Variants in SEZ6L observed in about 807,000 individuals in gnomAD.
SEZ6L encodes seizure 6-like protein.
A neutral mutation model predicts 106.2 loss-of-function variants in SEZ6L; 37 were observed. That is an observed-to-expected ratio of 0.35 (90% CI 0.27 to 0.46). SEZ6L has a LOEUF of 0.46. Among genes scored for constraint, SEZ6L ranks in the 20% least tolerant of loss-of-function variants. The pLI is 1.00. For missense variants in SEZ6L, 1,172 were observed against 1,332.8 expected, an observed-to-expected ratio of 0.88 and a Z score of 1.88; for synonymous variants, 541 against 570.4, an observed-to-expected ratio of 0.95 and a Z score of 0.73.
chr22:26,218,622 T>C (rs943621540), intron 1 of SEZ6L, among the ~76,000 whole-genome samples: 1 of 152,192 alleles, frequency 6.6e-6, no homozygotes, highest in Non-Finnish European at 1.5e-5. Context: ...GTCAACATGG[T>C]GAAACTCTGT....
At chr22:26,223,707 AAT>A (rs939680112) in intron 1 of SEZ6L, among the ~76,000 whole-genome samples, 10 of 152,254 alleles carry the variant, frequency 6.6e-5, no homozygotes, top group African/African-American at 2.4e-4. Flanking sequence ...TTTTAAATCA[AAT>A]AATGCATATA....
intron 9 of SEZ6L, among the ~76,000 whole-genome samples, chr22:26,340,221 G>A (rs1361527510): frequency 6.6e-6 from 1 of 152,012 alleles, no homozygotes; most frequent in East Asian, 1.9e-4. Context: ...GTGACAGAGT[G>A]AGACTCTGTC....
intron 1 of SEZ6L, among the ~76,000 whole-genome samples, chr22:26,175,358 A>G (rs1395825911): frequency 6.6e-6 from 1 of 152,234 alleles, no homozygotes; most frequent in Non-Finnish European, 1.5e-5. Context: ...TTTTAACAAT[A>G]TCATTTCATT....
At chr22:26,234,768 C>T (rs2078907813) in intron 1 of SEZ6L, among the ~76,000 whole-genome samples, 1 of 152,198 alleles carries the variant, frequency 6.6e-6, no homozygotes, top group African/African-American at 2.4e-5. Flanking sequence ...AGAGCACAGC[C>T]CCTGTCCTCA....
intron 1 of SEZ6L, among the ~76,000 whole-genome samples, chr22:26,283,202 G>C (rs1306811286): frequency 6.6e-6 from 1 of 152,186 alleles, no homozygotes; most frequent in African/African-American, 2.4e-5. Flanking sequence ...TTACAGGCGT[G>C]AGCCACTGCA....
chr22:26,237,434 C>T (rs1602113715), intron 1 of SEZ6L, among the ~76,000 whole-genome samples: 1 of 152,226 alleles, frequency 6.6e-6, no homozygotes, highest in South Asian at 2.1e-4. Flanking sequence ...GCCACTTATA[C>T]AGTGGATAAA....
At chr22:26,284,908 A>T (rs1046262849) in intron 1 of SEZ6L, among the ~76,000 whole-genome samples, 4 of 149,962 alleles carry the variant, frequency 2.7e-5, no homozygotes, top group Non-Finnish European at 5.9e-5. Context: ...AGGAGTCTTT[A>T]TTTTTTTTTT....
chr22:26,170,410 T>C (rs1008172919), intron 1 of SEZ6L, among the ~76,000 whole-genome samples: 34 of 152,004 alleles, frequency 2.2e-4, no homozygotes, highest in African/African-American at 7.0e-4. Context: ...TAGTTAGCAG[T>C]TGGGAACCTG....
intron 1 of SEZ6L, among the ~76,000 whole-genome samples, chr22:26,183,902 AAAAT>A (rs1396632936): frequency 6.6e-6 from 1 of 152,248 alleles, no homozygotes; most frequent in African/African-American, 2.4e-5. Context: ...AGTAATAATA[AAAAT>A]AAATAGTCAT....
chr22:26,224,968 A>C (rs1164512892), intron 1 of SEZ6L, among the ~76,000 whole-genome samples: 1 of 145,426 alleles, frequency 6.9e-6, no homozygotes, highest in African/African-American at 2.8e-5. Flanking sequence ...CTATTGTTAC[A>C]AAAAAAAAGC....
chr22:26,359,697 C>T (rs1032886888), intron 12 of SEZ6L, among the ~76,000 whole-genome samples: 5 of 151,954 alleles, frequency 3.3e-5, no homozygotes, highest in Non-Finnish European at 5.9e-5. Context: ...CCCAGCGACT[C>T]GGGAGGCTAA....
rs748280036 is a variant in SEZ6L, at chr22:26,311,965, G to A, written c.1876+3G>A. 3 of 1,612,276 alleles carry A rather than the reference G, an allele frequency of 1.9e-6. No individual in the cohort carries two copies. The highest frequency in any genetic ancestry group is 4.5e-5 in the East Asian group (2 of 44,788). ...TGACACAGAGCCCCTGTGCAGAGGT[G>A]AGCGGATCCACAACGCTCTTCCCAC... is the stretch of plus-strand genomic sequence containing the variant. On this transcript the variant is annotated splice_donor_region_variant and intron_variant, in intron 8 of 16. Transcript: ENST00000248933.
chr22:26,264,259 G>C (rs2080106813), intron 1 of SEZ6L, among the ~76,000 whole-genome samples: 1 of 152,234 alleles, frequency 6.6e-6, no homozygotes, highest in South Asian at 2.1e-4. Context: ...TTCTGAGGTT[G>C]ACAACAGAGC....
chr22:26,292,441 C>A lies in SEZ6L; in HGVS notation c.130C>A (p.Pro44Thr), dbSNP rs764187004. ...LPEGDASPLG[P>T]YLLPSGAPER... ...CGAGGGAGATGCTAGCCCTTTGGGT[C>A]CTTACCTCCTGCCCTCAGGAGCCCC... Residue 44 changes from proline (P) to threonine (T), a missense_variant, in exon 2 of 17, where the codon CCT becomes ACT. Pro to Thr is a conservative substitution (Grantham distance 38). This residue lies in a region of SEZ6L where 494 missense variants were observed against 445.8 expected (regional missense o/e 1.11). Coordinates refer to ENST00000248933, the MANE Select transcript of SEZ6L (RefSeq NM_021115.5). 2 of 1,613,768 alleles carry A rather than the reference C, an allele frequency of 1.2e-6. No homozygotes were observed. The highest frequency in any genetic ancestry group is 1.6e-4 in the Middle Eastern group (1 of 6,062).
chr22:26,289,539 A>C (rs554334171), intron 1 of SEZ6L, among the ~76,000 whole-genome samples: 5 of 152,294 alleles, frequency 3.3e-5, no homozygotes, highest in Admixed American at 3.3e-4. Flanking sequence ...TTGGACTAGG[A>C]AATCTGCCTG....
At chr22:26,284,466 C>T (rs369960126) in intron 1 of SEZ6L, among the ~76,000 whole-genome samples, 7 of 151,918 alleles carry the variant, frequency 4.6e-5, no homozygotes, top group East Asian at 1.9e-4. Flanking sequence ...AAATATTAGC[C>T]GGGCATGTTG....
At chr22:26,344,700 T>C (rs1405875472) in intron 10 of SEZ6L, among the ~76,000 whole-genome samples, 7 of 152,246 alleles carry the variant, frequency 4.6e-5, no homozygotes, top group Non-Finnish European at 8.8e-5. Flanking sequence ...TCTAATAAGA[T>C]GCTCATAATA....
chr22:26,316,068 T>C (rs1025798929), intron 9 of SEZ6L, among the ~76,000 whole-genome samples: 2 of 151,950 alleles, frequency 1.3e-5, no homozygotes, highest in African/African-American at 4.8e-5. Context: ...AAAATAAAAA[T>C]TCAAATTGAA....
intron 9 of SEZ6L, among the ~76,000 whole-genome samples, chr22:26,332,637 G>A (rs2145971554): frequency 6.6e-6 from 1 of 152,072 alleles, no homozygotes; most frequent in African/African-American, 2.4e-5. Context: ...TATAGAGATG[G>A]GGGTTTCACT....
Sources: gnomAD v4.1 joint callset for allele counts (sites outside exome capture counted in the v4.1 genomes callset) on GRCh38, gnomAD v4.1.1 for gene constraint, gnomAD v4.1.1 regional missense constraint, MANE v1.5 for transcripts, NCBI Gene and HGNC (gene_info 2026-07-23, HGNC 2026-07-21) for gene names.